The following PER1 variants were observed in gnomAD, a reference collection of about 807,000 sequenced individuals.
The protein encoded by PER1 is period circadian regulator 1, also known as period circadian protein homolog 1.
A neutral mutation model predicts 125.9 loss-of-function variants in PER1; 87 were observed. That is an observed-to-expected ratio of 0.69 (90% CI 0.58 to 0.83). The LOEUF is 0.83. PER1 is among the 40% of genes least tolerant of loss of function. PER1 has a pLI of 0.00. For synonymous variants in PER1, 801 were observed against 714.7 expected, an observed-to-expected ratio of 1.12 and a Z score of -1.93; for missense variants, 1,775 against 1,722.8, an observed-to-expected ratio of 1.03 and a Z score of -0.54.
intron 21 of PER1, 24 bp from the exon 22 acceptor site, chr17:8,141,979 G>A (rs1244806584): frequency 6.2e-7 from 1 of 1,612,876 alleles, no homozygotes; most frequent in Non-Finnish European, 8.5e-7. Context: ...GGTTCAGAAG[G>A]CAGAGGCTGG....
Position 8,149,285 on chromosome 17 carries a change from C to A in PER1, c.879G>T (p.Gln293His), listed in dbSNP as rs1243471054. The A allele has an allele frequency of 5.0e-6, 8 of 1,613,876 alleles. No individual in the cohort carries two copies. The East Asian group carries it at 1.6e-4, about 31-fold the overall frequency. The change falls in exon 7 of 23, where the codon CAG becomes CAT. Residue 293 changes from glutamine to histidine, a missense_variant. Physicochemically the swap from Gln to His is conservative, Grantham distance 24 (BLOSUM62 0). Transcript: ENST00000317276. ...TGATACGGCAGAAGACGGACTTCTC[C>A]TGGGTAAAGTCCCTGAGGCCTGAAC... ...SAGSGLRDFTQEKSVFCRIRG... is the reference protein window; with the variant it reads ...SAGSGLRDFTHEKSVFCRIRG...
At chr17:8,147,906 G>C in intron 10 of PER1, 79 bp from the exon 11 acceptor site, 1 of 1,589,168 alleles carries the variant, frequency 6.3e-7, no homozygotes, top group Non-Finnish European at 8.6e-7. Context: ...TAGAGATCCA[G>C]GAGACCAAGG....
intron 17 of PER1, 42 bp downstream of exon 17, chr17:8,145,916 C>T (rs929671407): frequency 6.5e-7 from 1 of 1,544,790 alleles, no homozygotes; most frequent in Non-Finnish European, 8.7e-7. Context: ...AGCTGGGAGA[C>T]CGGTGGAGCC....
intron 13 of PER1, 81 bp downstream of exon 13, chr17:8,147,169 G>C: frequency 3.3e-6 from 5 of 1,515,944 alleles, no homozygotes; most frequent in Non-Finnish European, 4.5e-6. Context: ...GATCGGGCAA[G>C]ACTCTGGGAC....
chr17:8,140,475 GTTT>G lies in PER1; in HGVS notation c.*590_*592del. Reference sequence around the variant, plus strand: ...AACTTCATTCCACAAAGTCCTGGGCGTTTTTATCTTTTTGTATTAAAAAAGTAG... The same window carrying G: ...AACTTCATTCCACAAAGTCCTGGGCGTTATCTTTTTGTATTAAAAAAGTAG... On this transcript the variant is annotated 3_prime_UTR_variant, in exon 23 of 23. Coordinates refer to ENST00000317276, the MANE Select transcript of PER1 (RefSeq NM_002616.3). The G allele has an allele frequency of 5.0e-6, 1 of 200,026 alleles. No individual in the cohort carries two copies. Among genetic ancestry groups the G allele is most frequent in the East Asian group, 7.7e-5 (1 of 13,018 alleles). The allele number at this position is 200,026 out of a possible 1,614,324, so 12.4% of individuals were successfully genotyped here.
At chr17:8,149,421 T>A (rs746428780) in intron 6 of PER1, 41 bp downstream of exon 6, 15 of 1,608,074 alleles carry the variant, frequency 9.3e-6, no homozygotes, top group East Asian at 2.2e-5. Context: ...AGGAATTTCC[T>A]GGGACTGCTC....
intron 18 of PER1, 136 bp from the exon 19 acceptor site, chr17:8,144,012 G>A (rs1982266939): frequency 7.4e-7 from 1 of 1,353,396 alleles, no homozygotes. Flanking sequence ...ACACAGAACG[G>A]GGGACTCAGG....
chr17:8,144,983 CATG>C lies in PER1; in HGVS notation c.2226_2228del (p.Ile742del). 1 of 1,496,602 alleles carries C rather than the reference CATG, an allele frequency of 6.7e-7. No individual in the cohort carries two copies. The highest frequency in any genetic ancestry group is 1.4e-5 in the African/African-American group (1 of 71,150). 92.7% of individuals were successfully genotyped at this position (1,496,602 alleles called of 1,614,324 possible). A position where few individuals can be genotyped will look rare whatever the true frequency, so the allele number is the denominator to read the frequency against. On this transcript the variant is annotated inframe_deletion, in exon 18 of 23. Coordinates refer to ENST00000317276, the MANE Select transcript of PER1 (RefSeq NM_002616.3). ...GGGCTAGGCCAGGCAGGTCCTCCAT[CATG>C]ATGATGTCTGAGGAGAGTGAGATAG... is the stretch of plus-strand genomic sequence containing the variant.
In PER1 at chr17:8,141,973, C is replaced by A. The variant is rs1206281518; in HGVS notation, c.3450-18G>T. ...TCATGTCCCTGCCCAAGAAGGGGTT[C>A]AGAAGGCAGAGGCTGGGATCCAGGA... On this transcript the variant is annotated intron_variant, in intron 21 of 22. Coordinates refer to ENST00000317276, the MANE Select transcript of PER1 (RefSeq NM_002616.3). 21 of 1,613,184 alleles carry A rather than the reference C, an allele frequency of 1.3e-5. No individual in the cohort carries two copies. The highest frequency in any genetic ancestry group is 1.8e-5 in the Non-Finnish European group (21 of 1,180,028).
At position 8,141,854 on chromosome 17, in the gene PER1, A is replaced by G. The variant is rs765980492; in HGVS notation, c.3551T>C (p.Val1184Ala). The change falls in exon 22 of 23, where the codon GTG (valine) becomes GCG (alanine). Residue 1184 changes from valine to alanine, a missense_variant. By Grantham distance (64) the Val-to-Ala change is moderately conservative. Coordinates refer to ENST00000317276, the MANE Select transcript of PER1 (RefSeq NM_002616.3). ...SEDQRRELGA[V>A]HSWVRKGQLP... is the part of the protein sequence containing the mutation. ...TTGGCCCTTCCGGACCCAGGAGTGC[A>G]CAGCACCCAGTTCCCGCCGCTGGTC... is the stretch of plus-strand genomic sequence containing the variant. 8 of 1,613,876 alleles carry G rather than the reference A, an allele frequency of 5.0e-6. No homozygotes were observed. The highest frequency in any genetic ancestry group is 6.8e-6 in the Non-Finnish European group (8 of 1,179,982).
chr17:8,145,043 A>G, intron 17 of PER1, 50 bp from the exon 18 acceptor site: 3 of 1,415,160 alleles, frequency 2.1e-6, no homozygotes, highest in Non-Finnish European at 2.8e-6. Flanking sequence ...TCAGGGGTCA[A>G]CACATCCATA....
chr17:8,144,777 G>C lies in PER1; in HGVS notation c.2435C>G (p.Thr812Arg), dbSNP rs564477658. Reference protein sequence around the residue: ...GRLRGLDSSSTAPSALGERGC... With the variant: ...GRLRGLDSSSRAPSALGERGC... ...TCGCTCGCCAAGGGCTGAGGGAGCTGTGGAAGAGCTGTCGAGTCCACGCAG... is the reference window on the plus strand; with the variant it reads ...TCGCTCGCCAAGGGCTGAGGGAGCTCTGGAAGAGCTGTCGAGTCCACGCAG... Residue 812 changes from threonine (T) to arginine (R), a missense_variant, in exon 18 of 23, where the codon ACA becomes AGA. Physicochemically the swap from Thr to Arg is moderately conservative, Grantham distance 71. Transcript: ENST00000317276. 26 of 1,580,670 alleles carry C rather than the reference G, an allele frequency of 1.6e-5. No homozygotes were observed. The South Asian group carries it at 2.7e-4, about 16-fold the overall frequency.
In PER1 at chr17:8,149,310, C is replaced by G. The variant is rs755141240; in HGVS notation, c.854G>C (p.Gly285Ala). 1.1e-5 allele frequency: 18 copies of G among 1,613,870 alleles called. No individual in the cohort carries two copies. Among genetic ancestry groups the G allele is most frequent in the Non-Finnish European group, 1.5e-5 (18 of 1,179,924 alleles). Residue 285 changes from glycine (G) to alanine (A), a missense_variant and splice_region_variant, in exon 7 of 23, where the codon GGT becomes GCT. Physicochemically the swap from Gly to Ala is moderately conservative, Grantham distance 60. Transcript: ENST00000317276. Reference sequence around the variant, plus strand: ...CTGGGTAAAGTCCCTGAGGCCTGAACCTGGGACAGACAGGAGAGGAGTGAG... The same window carrying G: ...CTGGGTAAAGTCCCTGAGGCCTGAAGCTGGGACAGACAGGAGAGGAGTGAG... ...LPTWGTGASA[G>A]SGLRDFTQEK...
In PER1 at chr17:8,143,537, T is replaced by G. The variant is rs760598688; in HGVS notation, c.2801A>C (p.Tyr934Ser). 1.5e-5 allele frequency: 22 copies of G among 1,511,010 alleles called. No individual in the cohort carries two copies. The South Asian group carries it at 2.9e-4, about 20-fold the overall frequency. 93.6% of individuals were successfully genotyped at this position (1,511,010 alleles called of 1,614,324 possible). ...AGGGGTCTGGAGTGCCCCATAAGGA[T>G]AGCTGGATGGGGTTGGGAACAGATA... is the stretch of plus-strand genomic sequence containing the variant. Reference protein sequence around the residue: ...PNYLFPTPSSYPYGALQTPAE... With the variant: ...PNYLFPTPSSSPYGALQTPAE... Residue 934 changes from tyrosine to serine, a missense_variant, in exon 19 of 23, where the codon TAT (tyrosine) becomes TCT (serine). By Grantham distance (144) the Tyr-to-Ser change is moderately radical. Coordinates refer to ENST00000317276, the MANE Select transcript of PER1 (RefSeq NM_002616.3).
Position 8,142,794 on chromosome 17 carries a change from GC to G in PER1, c.3113del (p.Gly1038AlafsTer84). Reference sequence around the variant, plus strand: ...GCAGAAGTTCGAGCAGGTCACTGGAGCCGGAAAGTGCGTCCTGATTGGAGGA... The same window carrying G: ...GCAGAAGTTCGAGCAGGTCACTGGAGCGGAAAGTGCGTCCTGATTGGAGGA... ...TESSNQDALS[G>X]SSDLLELLLQ... On this transcript the variant is annotated frameshift_variant, in exon 20 of 23. Coordinates refer to ENST00000317276, the MANE Select transcript of PER1 (RefSeq NM_002616.3). LOFTEE classifies it high-confidence loss of function. 1 of 1,612,194 alleles carries G rather than the reference GC, an allele frequency of 6.2e-7. No individual in the cohort carries two copies. Among genetic ancestry groups the G allele is most frequent in the Non-Finnish European group, 8.5e-7 (1 of 1,179,744 alleles).
In PER1 at chr17:8,143,841, G is replaced by A. The variant is rs1254767391; in HGVS notation, c.2497C>T (p.His833Tyr). Residue 833 changes from histidine (H) to tyrosine (Y), a missense_variant, in exon 19 of 23, where the codon CAC becomes TAC. Physicochemically the swap from His to Tyr is moderately conservative, Grantham distance 83 (BLOSUM62 2). Transcript: ENST00000317276. Reference sequence around the variant, plus strand: ...CGCTTGGCTTTGGATCGGCAGTGGTGTCGGCGGCTTGGGGGTGCGGGGCCG... The same window carrying A: ...CGCTTGGCTTTGGATCGGCAGTGGTATCGGCGGCTTGGGGGTGCGGGGCCG... ...HHGPAPPSRRHHCRSKAKRSR... is the reference protein window; with the variant it reads ...HHGPAPPSRRYHCRSKAKRSR... 5.6e-6 allele frequency: 9 copies of A among 1,612,464 alleles called. No homozygotes were observed. The highest frequency in any genetic ancestry group is 2.2e-5 in the East Asian group (1 of 44,810).
Position 8,149,967 on chromosome 17 carries a change from T to G in PER1, c.529+4A>C, listed in dbSNP as rs748207901. The G allele has an allele frequency of 1.2e-6, 2 of 1,613,346 alleles. No homozygotes were observed. The highest frequency in any genetic ancestry group is 1.7e-6 in the Non-Finnish European group (2 of 1,179,438). ...GCCATTCCCTCTTGGGACACACCAC[T>G]TACCCTGCACCTGCTTGACACAGGC... On this transcript the variant is annotated splice_donor_region_variant and intron_variant, in intron 4 of 22. Transcript: ENST00000317276.
chr17:8,148,553 G>A lies in PER1; in HGVS notation c.1048+91C>T, dbSNP rs144622163. 9 of 1,413,444 alleles carry A rather than the reference G, an allele frequency of 6.4e-6. No homozygotes were observed. The Admixed American group carries it at 1.4e-4, about 22-fold the overall frequency. The allele number at this position is 1,413,444 out of a possible 1,614,324, so 87.6% of individuals were successfully genotyped here. A position where few individuals can be genotyped will look rare whatever the true frequency, so the allele number is the denominator to read the frequency against. ...GCTTTTCTTGTTCCAAAATTCAAAG[G>A]GTGTGGTTCATGCCTCCCAAATTCA... On this transcript the variant is annotated intron_variant, in intron 8 of 22. Coordinates refer to ENST00000317276, the MANE Select transcript of PER1 (RefSeq NM_002616.3).
intron 21 of PER1, 110 bp downstream of exon 21, chr17:8,142,159 G>T: frequency 5.4e-6 from 6 of 1,115,432 alleles, no homozygotes; most frequent in Non-Finnish European, 3.8e-6. Context: ...GGAGCAGGAA[G>T]AAAGATAGAA....
Sources: gnomAD v4.1 joint callset for allele counts on GRCh38, gnomAD v4.1.1 for gene constraint, MANE v1.5 for transcripts, NCBI Gene and HGNC (gene_info 2026-07-23, HGNC 2026-07-21) for gene names.